Variants in DENR observed in about 807,000 individuals in gnomAD.
The protein encoded by DENR is density regulated re-initiation and release factor, also known as density-regulated protein.
A neutral mutation model predicts 30.6 loss-of-function variants in DENR; 6 were observed. That is an observed-to-expected ratio of 0.20 (90% confidence interval 0.11 to 0.39). The LOEUF (loss-of-function observed/expected upper bound fraction) is 0.39. Ranked by LOEUF, DENR falls within the 10% of genes least tolerant of loss-of-function variation. DENR has a pLI of 1.00. For missense variants in DENR, 141 were observed against 230.9 expected (o/e 0.61, Z 2.52); for synonymous variants, 78 against 72.1 (o/e 1.08, Z -0.41).
At chr12:122,760,251 T>C (rs966888830) in intron 2 of DENR, among the ~76,000 whole-genome samples, 2 of 152,208 alleles carry the variant, frequency 1.3e-5, no homozygotes. Flanking sequence ...AATATAGATA[T>C]GGTACTTATC....
At chr12:122,758,317 G>A (rs563876458) in intron 2 of DENR, among the ~76,000 whole-genome samples, 2 of 152,058 alleles carry the variant, frequency 1.3e-5, no homozygotes, top group African/African-American at 2.4e-5. Flanking sequence ...TGATCCACCC[G>A]CCTCGGCCTC....
chr12:122,770,901 G>A lies in DENR; in HGVS notation c.*1823G>A. The A allele has an allele frequency of 2.5e-6, 1 of 394,590 alleles. No homozygotes were observed. Among genetic ancestry groups the A allele is most frequent in the Non-Finnish European group, 4.5e-6 (1 of 224,240 alleles). 24.4% of individuals were successfully genotyped at this position (394,590 alleles called of 1,614,324 possible). ...CTATCTGGTATGCGTTATGTATGTA[G>A]TCTGTTGCTGCTGAAAGATGTCTGT... On this transcript the variant is annotated 3_prime_UTR_variant, in exon 8 of 8. Transcript: ENST00000280557.
rs1878934673 is a variant in DENR, at chr12:122,769,182, A to G, written c.*104A>G. 3 of 1,076,404 alleles carry G rather than the reference A, an allele frequency of 2.8e-6. No homozygotes were observed. Among genetic ancestry groups the G allele is most frequent in the Non-Finnish European group, 3.6e-6 (3 of 824,120 alleles). The allele number at this position is 1,076,404 out of a possible 1,614,324, so 66.7% of individuals were successfully genotyped here. The stretch of plus-strand genomic sequence containing the variant: ...TATATATATACACATATATATGTAT[A>G]TATACACATATATGTATGTATACAC... On this transcript the variant is annotated 3_prime_UTR_variant, in exon 8 of 8. Coordinates refer to ENST00000280557, the MANE Select transcript of DENR (RefSeq NM_003677.5).
intron 7 of DENR, 21 bp from the exon 8 acceptor site, chr12:122,769,013 A>G (rs780811446): frequency 1.2e-6 from 2 of 1,609,734 alleles, no homozygotes; most frequent in African/African-American, 2.7e-5. Flanking sequence ...CTCATGAGAT[A>G]TAATTATTTG....
intron 6 of DENR, 76 bp downstream of exon 6, chr12:122,767,680 C>A: frequency 1.3e-6 from 1 of 777,440 alleles, no homozygotes. Flanking sequence ...CTCTGTCTCT[C>A]TCTCTCTCAC....
At position 122,769,192 on chromosome 12, in the gene DENR, A is replaced by ATATG. The variant is rs1219156064; in HGVS notation, c.*122_*125dup. On this transcript the variant is annotated 3_prime_UTR_variant, in exon 8 of 8. Transcript: ENST00000280557. ...CACATATATATGTATATATACACAT[A>ATATG]TATGTATGTATACACATATACACAT... 1 of 1,010,236 alleles carries ATATG rather than the reference A, an allele frequency of 9.9e-7. No individual in the cohort carries two copies. The highest frequency in any genetic ancestry group is 1.3e-6 in the Non-Finnish European group (1 of 775,236). 62.6% of individuals were successfully genotyped at this position (1,010,236 alleles called of 1,614,324 possible).
At chr12:122,753,048 C>T (rs1308625270) in intron 1 of DENR, 98 bp downstream of exon 1, 1 of 153,644 alleles carries the variant, frequency 6.5e-6, no homozygotes, top group Non-Finnish European at 1.4e-5. Flanking sequence ...GGCCGGGCCT[C>T]TCCACACCCC....
chr12:122,754,107 C>T (rs1201581638), intron 2 of DENR: 1 of 372,954 alleles, frequency 2.7e-6, no homozygotes, highest in Non-Finnish European at 5.1e-6. Context: ...AGGAGGGCTT[C>T]TTGGAAGATT....
rs1377159055 is a variant in DENR at position 122,769,531 on chromosome 12, G to C, written c.*453G>C. On this transcript the variant is annotated 3_prime_UTR_variant, in exon 8 of 8. Coordinates refer to ENST00000280557, the MANE Select transcript of DENR (RefSeq NM_003677.5). ...CTCTCTCTCTTTTTTTTTTTTGACA[G>C]AGTCTCGCACTGTTGCCTGGGCTGG... The C allele has an allele frequency of 1.3e-5, 12 of 928,022 alleles. No individual in the cohort carries two copies. The East Asian group carries it at 1.4e-3, about 108-fold the overall frequency. 57.5% of individuals were successfully genotyped at this position (928,022 alleles called of 1,614,324 possible).
intron 4 of DENR, among the ~76,000 whole-genome samples, 175 bp from the exon 5 acceptor site, chr12:122,765,129 A>C (rs1878813278): frequency 6.6e-6 from 1 of 152,222 alleles, no homozygotes; most frequent in South Asian, 2.1e-4. Context: ...TACTATAATG[A>C]CTTTAGAACT....
chr12:122,755,512 G>C (rs1206808859), intron 2 of DENR, among the ~76,000 whole-genome samples: 1 of 152,164 alleles, frequency 6.6e-6, no homozygotes, highest in Non-Finnish European at 1.5e-5. Context: ...CCGGGAGGCA[G>C]AGGTTGCAGT....
rs1176536694 is a variant in DENR, at chr12:122,769,163, T to C, written c.*85T>C. 1.1e-5 allele frequency: 14 copies of C among 1,231,470 alleles called. No individual in the cohort carries two copies. In the African/African-American group the frequency reaches 1.3e-4, roughly 11 times the overall value. The allele number at this position is 1,231,470 out of a possible 1,614,324, so 76.3% of individuals were successfully genotyped here. A position where few individuals can be genotyped will look rare whatever the true frequency, so the allele number is the denominator to read the frequency against. ...AGAGGCCTTTTAAAATATATATATA[T>C]ATACACATATATATGTATATATACA... On this transcript the variant is annotated 3_prime_UTR_variant, in exon 8 of 8. Transcript: ENST00000280557.
intron 2 of DENR, among the ~76,000 whole-genome samples, chr12:122,758,349 C>G (rs147127714): frequency 6.6e-6 from 1 of 152,078 alleles, no homozygotes; most frequent in Non-Finnish European, 1.5e-5. Context: ...GGATTACAGG[C>G]GTGAGCCACC....
In DENR at chr12:122,767,522, C is replaced by T. The variant is rs1173231247; in HGVS notation, c.330C>T (p.Thr110=). 1.9e-6 allele frequency: 3 copies of T among 1,588,692 alleles called. No individual in the cohort carries two copies. Among genetic ancestry groups the T allele is most frequent in the East Asian group, 2.3e-5 (1 of 43,994 alleles). Residue 110 remains threonine, a synonymous_variant, in exon 6 of 8, where the codon ACC becomes ACT. Transcript: ENST00000280557. ...GTCAAATAAAACAAAAAAAGAAGAC[C>T]GTACCACAAAAGGTTACTATAGCCA... ...GRGQIKQKKK[T]VPQKVTIAKI...
chr12:122,756,470 A>T (rs1878553311), intron 2 of DENR, among the ~76,000 whole-genome samples: 1 of 152,168 alleles, frequency 6.6e-6, no homozygotes, highest in South Asian at 2.1e-4. Flanking sequence ...AGAGACAAGA[A>T]ATAAAGATTA....
chr12:122,765,249 T>A, intron 4 of DENR, 55 bp from the exon 5 acceptor site: 1 of 1,428,698 alleles, frequency 7.0e-7, no homozygotes, highest in South Asian at 1.3e-5. Context: ...TGATTTCTTT[T>A]TTTTTAACAG....
chr12:122,753,869 G>T (rs79350782), intron 2 of DENR, 62 bp downstream of exon 2: 76,453 of 1,317,884 alleles, frequency 0.058, 3,397 homozygotes, highest in East Asian at 0.27. Flanking sequence ...TGTAATAACA[G>T]TTTGACATTT....
chr12:122,756,887 A>G (rs1466918133), intron 2 of DENR, among the ~76,000 whole-genome samples: 2 of 152,338 alleles, frequency 1.3e-5, no homozygotes, highest in East Asian at 3.9e-4. Context: ...TGGCCAGGCT[A>G]TAATAAGACT....
At chr12:122,759,666 A>G (rs1300006437) in intron 2 of DENR, among the ~76,000 whole-genome samples, 2 of 152,234 alleles carry the variant, frequency 1.3e-5, no homozygotes, top group Non-Finnish European at 2.9e-5. Context: ...GGTTGCAGCC[A>G]GCTGAGATGG....
Sources: gnomAD v4.1 joint callset for allele counts (sites outside exome capture counted in the v4.1 genomes callset) on GRCh38, gnomAD v4.1.1 for gene constraint, MANE v1.5 for transcripts, NCBI Gene and HGNC (gene_info 2026-07-23, HGNC 2026-07-21) for gene names.